The following SEH1L variants were observed in gnomAD, a reference collection of about 807,000 sequenced individuals.
SEH1L encodes the protein nucleoporin SEH1.
In SEH1L, 18 loss-of-function variants were observed where a neutral mutation model predicts 49.5. The ratio of observed to expected loss-of-function variants is 0.36; its 90% CI spans 0.25 to 0.54. The LOEUF is 0.54. Among genes scored for constraint, SEH1L ranks in the 20% least tolerant of loss-of-function variants. The pLI is 0.87. For synonymous variants in SEH1L, 169 were observed against 178.1 expected, an observed-to-expected ratio of 0.95 and a Z score of 0.41; for missense variants, 404 against 528.8, an observed-to-expected ratio of 0.76 and a Z score of 2.31.
chr18:12,976,065 C>T (rs2031904151), intron 5 of SEH1L: 1 of 160,308 alleles, frequency 6.2e-6, no homozygotes, highest in Non-Finnish European at 1.3e-5. Context: ...TTGTCTATTG[C>T]TGCATGACAG....
At chr18:12,949,410 GTTTA>G (rs2030353545) in intron 1 of SEH1L, among the ~76,000 whole-genome samples, 1 of 84,530 alleles carries the variant, frequency 1.2e-5, no homozygotes, top group South Asian at 4.8e-4. Flanking sequence ...TTTAAAACAA[GTTTA>G]TTTTTGTTGT....
At position 12,948,030 on chromosome 18, in the gene SEH1L, C is replaced by T. The variant is rs1476301821; in HGVS notation, c.-92C>T. The T allele has an allele frequency of 7.8e-6, 7 of 897,534 alleles. No individual in the cohort carries two copies. The highest frequency in any genetic ancestry group is 2.7e-5 in the East Asian group (1 of 37,254). The allele number at this position is 897,534 out of a possible 1,614,324, so 55.6% of individuals were successfully genotyped here. A position where few individuals can be genotyped will look rare whatever the true frequency, so the allele number is the denominator to read the frequency against. ...GTGGGCAGCACAAGCCGTGCGCTCC[C>T]GGGCTGCGAGGTCTGGCTAGGCTAC... On this transcript the variant is annotated 5_prime_UTR_variant, in exon 1 of 9. Coordinates refer to ENST00000399892, the MANE Select transcript of SEH1L (RefSeq NM_001013437.2).
chr18:12,950,647 G>T (rs533695098), intron 1 of SEH1L, among the ~76,000 whole-genome samples: 1 of 152,310 alleles, frequency 6.6e-6, no homozygotes, highest in South Asian at 2.1e-4. Flanking sequence ...AGATAAATTA[G>T]TGGATATTTT....
At chr18:12,960,552 T>C (rs998860195) in intron 3 of SEH1L, among the ~76,000 whole-genome samples, 23 of 152,242 alleles carry the variant, frequency 1.5e-4, no homozygotes. Context: ...TCAGACTGTT[T>C]TACAGCTCTT....
intron 6 of SEH1L, among the ~76,000 whole-genome samples, chr18:12,979,666 C>A (rs1287820941): frequency 1.3e-5 from 2 of 151,424 alleles, no homozygotes; most frequent in East Asian, 4.0e-4. Context: ...CGCCCCTCAC[C>A]TCCCGGACGG....
At chr18:12,953,615 T>G (rs2030679524) in intron 2 of SEH1L, among the ~76,000 whole-genome samples, 1 of 152,248 alleles carries the variant, frequency 6.6e-6, no homozygotes, top group Non-Finnish European at 1.5e-5. Flanking sequence ...TATGCTTATT[T>G]ACCATTCATG....
chr18:12,981,901 C>G (rs1013014056), intron 6 of SEH1L, among the ~76,000 whole-genome samples: 3 of 124,302 alleles, frequency 2.4e-5, no homozygotes, highest in African/African-American at 9.5e-5. Flanking sequence ...ACTCCGTTGC[C>G]CAGGCTGGAG....
At chr18:12,951,734 A>AT in intron 1 of SEH1L, 121 bp from the exon 2 acceptor site, 5 of 649,554 alleles carry the variant, frequency 7.7e-6, no homozygotes, top group South Asian at 6.8e-5. Flanking sequence ...TTACTTGCTG[A>AT]TTGTGTTCTT....
intron 4 of SEH1L, among the ~76,000 whole-genome samples, chr18:12,966,679 G>A (rs1598958714): frequency 6.6e-6 from 1 of 152,190 alleles, no homozygotes; most frequent in East Asian, 1.9e-4. Context: ...TGAGATTACA[G>A]GCATGAGCCA....
At chr18:12,951,625 A>C (rs1243412841) in intron 1 of SEH1L, among the ~76,000 whole-genome samples, 1 of 152,234 alleles carries the variant, frequency 6.6e-6, no homozygotes, top group Non-Finnish European at 1.5e-5. Flanking sequence ...TCCTGACCTC[A>C]GGTGATCCGT....
intron 4 of SEH1L, among the ~76,000 whole-genome samples, chr18:12,963,896 A>T (rs560569404): frequency 6.6e-6 from 1 of 152,188 alleles, no homozygotes; most frequent in East Asian, 1.9e-4. Flanking sequence ...CATTTTTAGT[A>T]GACATGGGGT....
At chr18:12,983,101 C>T (rs371020100) in intron 7 of SEH1L, 1 of 153,064 alleles carries the variant, frequency 6.5e-6, no homozygotes, top group African/African-American at 2.4e-5. Flanking sequence ...AGTTAAGAGC[C>T]TTGGGGGCCC....
chr18:12,985,774 T>G lies in SEH1L; in HGVS notation c.1071-1088T>G, dbSNP rs1013407412. 5 of 947,976 alleles carry G rather than the reference T, an allele frequency of 5.3e-6. No homozygotes were observed. The African/African-American group carries it at 8.9e-5, about 17-fold the overall frequency. 58.7% of individuals were successfully genotyped at this position (947,976 alleles called of 1,614,324 possible). On this transcript the variant is annotated intron_variant, in intron 8 of 8. Coordinates refer to ENST00000399892, the MANE Select transcript of SEH1L (RefSeq NM_001013437.2). Reference sequence around the variant, plus strand: ...TGTAGATTTGCTTTATCCATGATATTCAGTACAACTCTGTCATTTCTTTGT... The same window carrying G: ...TGTAGATTTGCTTTATCCATGATATGCAGTACAACTCTGTCATTTCTTTGT...
At chr18:12,964,942 C>G (rs1405265690) in intron 4 of SEH1L, among the ~76,000 whole-genome samples, 1 of 151,490 alleles carries the variant, frequency 6.6e-6, no homozygotes, top group Non-Finnish European at 1.5e-5. Flanking sequence ...CCTGGCTTCC[C>G]CTCTCTTAAA....
At chr18:12,986,684 TG>T in intron 8 of SEH1L, 177 bp from the exon 9 acceptor site, 1 of 1,240,558 alleles carries the variant, frequency 8.1e-7, no homozygotes, top group Non-Finnish European at 1.0e-6. Context: ...GGTCTTGATT[TG>T]TGCTATTATG....
At chr18:12,958,803 A>G (rs1006276867) in intron 3 of SEH1L, among the ~76,000 whole-genome samples, 1 of 152,194 alleles carries the variant, frequency 6.6e-6, no homozygotes, top group Non-Finnish European at 1.5e-5. Context: ...TACTGCTACT[A>G]TGAGCATTGT....
At chr18:12,986,669 G>A (rs1329146918) in intron 8 of SEH1L, 193 bp from the exon 9 acceptor site, 6 of 1,218,760 alleles carry the variant, frequency 4.9e-6, no homozygotes, top group Non-Finnish European at 6.1e-6. Flanking sequence ...CTTGATTTGA[G>A]TAAGGGTCTT....
intron 1 of SEH1L, among the ~76,000 whole-genome samples, chr18:12,949,819 G>A (rs1011190207): frequency 1.3e-5 from 2 of 151,880 alleles, no homozygotes; most frequent in Non-Finnish European, 2.9e-5. Context: ...TTTGTGCAGC[G>A]TCGCCCCTGC....
At chr18:12,971,037 A>G (rs1183053995) in intron 4 of SEH1L, 116 bp from the exon 5 acceptor site, 1 of 685,962 alleles carries the variant, frequency 1.5e-6, no homozygotes, top group Non-Finnish European at 2.6e-6. Context: ...TAGATTCACT[A>G]GTAGTGTGAC....
Sources: gnomAD v4.1 joint callset for allele counts (sites outside exome capture counted in the v4.1 genomes callset) on GRCh38, gnomAD v4.1.1 for gene constraint, MANE v1.5 for transcripts, NCBI Gene and HGNC (gene_info 2026-07-23, HGNC 2026-07-21) for gene names.